ADAMTS18: variants seen among roughly 807,000 people sequenced by gnomAD.
ADAMTS18 encodes the protein ADAM metallopeptidase with thrombospondin type 1 motif 18, also known as A disintegrin and metalloproteinase with thrombospondin motifs 18.
In ADAMTS18, 157 loss-of-function variants were observed where a neutral mutation model predicts 165.9. The ratio of observed to expected loss-of-function variants is 0.95; its 90% CI spans 0.83 to 1.08. ADAMTS18 has a LOEUF of 1.08. Ranked by LOEUF, ADAMTS18 falls within the 50% of genes least tolerant of loss-of-function variation. ADAMTS18 has a pLI of 0.00. For missense variants in ADAMTS18, 2,040 were observed against 1,534.0 expected, an observed-to-expected ratio of 1.33 and a Z score of -5.51; for synonymous variants, 782 against 578.2, an observed-to-expected ratio of 1.35 and a Z score of -5.06.
chr16:77,343,933 A>G (rs998014), intron 10 of ADAMTS18, among the ~76,000 whole-genome samples: 73,229 of 151,536 alleles, frequency 0.48, 18,415 homozygotes, highest in East Asian at 0.88. Flanking sequence ...AATTTTTGTC[A>G]TTACTTGTTG....
intron 12 of ADAMTS18, among the ~76,000 whole-genome samples, chr16:77,333,147 G>T (rs1443656741): frequency 1.3e-5 from 2 of 152,164 alleles, no homozygotes; most frequent in African/African-American, 4.8e-5. Flanking sequence ...GTCCCGTAGA[G>T]AATGACTCCT....
chr16:77,336,783 T>C (rs1363462687), intron 11 of ADAMTS18, among the ~76,000 whole-genome samples: 2 of 152,318 alleles, frequency 1.3e-5, no homozygotes, highest in Non-Finnish European at 2.9e-5. Flanking sequence ...TTTTGTTTTA[T>C]TTTTTGTTTT....
intron 16 of ADAMTS18, among the ~76,000 whole-genome samples, chr16:77,306,201 G>A (rs2144605781): frequency 6.6e-6 from 1 of 152,334 alleles, no homozygotes; most frequent in East Asian, 1.9e-4. Flanking sequence ...CAGCTGGCAA[G>A]CAACCTCCTT....
chr16:77,426,742 T>G (rs2057677895), intron 3 of ADAMTS18, among the ~76,000 whole-genome samples: 1 of 151,746 alleles, frequency 6.6e-6, no homozygotes, highest in South Asian at 2.1e-4. Context: ...AAGGATAGGG[T>G]GGGGTGTGGT....
intron 3 of ADAMTS18, chr16:77,378,801 A>G (rs1183402609): frequency 1.3e-5 from 2 of 152,202 alleles, no homozygotes; most frequent in African/African-American, 2.4e-5. Flanking sequence ...TATTATCATT[A>G]TGATTATTAC....
At position 77,338,823 on chromosome 16, in the gene ADAMTS18, G is replaced by A. The variant is rs8048436; in HGVS notation, c.1710+2881C>T. On this transcript the variant is annotated intron_variant, in intron 11 of 22. Transcript: ENST00000282849. ...GAAAAAATTAGCCGGGCGTGGTGGC[G>A]GGCACCTGTAGTTCCAGCTACTCGG... Among the ~76,000 whole-genome samples, 1,442 of 151,706 alleles carry A rather than the reference G, an allele frequency of 9.5e-3. 19 individuals are homozygous for A. The highest frequency in any genetic ancestry group is 0.032 in the African/African-American group (1,339 of 41,362).
intron 3 of ADAMTS18, among the ~76,000 whole-genome samples, chr16:77,399,129 C>T (rs1285079748): frequency 6.6e-6 from 1 of 152,188 alleles, no homozygotes; most frequent in Non-Finnish European, 1.5e-5. Flanking sequence ...AGACCCACCA[C>T]CAGGTGTGGG....
chr16:77,294,217 G>C (rs972663767), intron 19 of ADAMTS18, among the ~76,000 whole-genome samples: 2 of 152,086 alleles, frequency 1.3e-5, no homozygotes, highest in African/African-American at 4.8e-5. Flanking sequence ...GGAAGCTGTA[G>C]GGAAGGGCTT....
rs1032644582 is a variant in ADAMTS18 at position 77,434,941 on chromosome 16, G to A, written c.-246C>T. On this transcript the variant is annotated 5_prime_UTR_variant, in exon 1 of 23. Coordinates refer to ENST00000282849, the MANE Select transcript of ADAMTS18 (RefSeq NM_199355.4). ...TTGCGGCACCCCAGAGGGTACGGGGGGCTCCCTGGGCCGGGACTGGAGCGC... is the reference window on the plus strand; with the variant it reads ...TTGCGGCACCCCAGAGGGTACGGGGAGCTCCCTGGGCCGGGACTGGAGCGC... 8 of 359,024 alleles carry A rather than the reference G, an allele frequency of 2.2e-5. No individual in the cohort carries two copies. Among genetic ancestry groups the A allele is most frequent in the Non-Finnish European group, 4.0e-5 (8 of 202,442 alleles). 22.2% of individuals were successfully genotyped at this position (359,024 alleles called of 1,614,324 possible). A position where few individuals can be genotyped will look rare whatever the true frequency, so the allele number is the denominator to read the frequency against.
chr16:77,388,958 G>T (rs1422282148), intron 3 of ADAMTS18, among the ~76,000 whole-genome samples: 1 of 152,186 alleles, frequency 6.6e-6, no homozygotes, highest in Non-Finnish European at 1.5e-5. Flanking sequence ...TCAACTAAAT[G>T]AAGAAGTCAT....
rs573641571 is a variant in ADAMTS18, at chr16:77,428,798, C to A, written c.495+2497G>T. Among the ~76,000 whole-genome samples, 11 of 152,196 alleles carry A rather than the reference C, an allele frequency of 7.2e-5. 1 individual carries two copies. The highest frequency in any genetic ancestry group is 5.2e-4 in the Admixed American group (8 of 15,286). ...AACCAGAATATATTCTGCAAATATTCCAAAATCCTCCCCAAATTGAAAATC... is the reference window on the plus strand; with the variant it reads ...AACCAGAATATATTCTGCAAATATTACAAAATCCTCCCCAAATTGAAAATC... On this transcript the variant is annotated intron_variant, in intron 3 of 22. Transcript: ENST00000282849.
chr16:77,367,628 G>C lies in ADAMTS18; in HGVS notation c.591C>G (p.His197Gln). The change falls in exon 4 of 23, where the codon CAC (histidine) becomes CAG (glutamine). Residue 197 changes from histidine (H) to glutamine (Q), a missense_variant. By Grantham distance (24) the His-to-Gln change is conservative (BLOSUM62 0). Coordinates refer to ENST00000282849, the MANE Select transcript of ADAMTS18 (RefSeq NM_199355.4). ...TCCTTTTGTACAGTACGTGAGGATG[G>C]TGACCCGCAGGGGAGCTGTAGTTGT... ...QEHNYSSPAG[H>Q]HPHVLYKRTA... 6.2e-7 allele frequency: 1 copy of C among 1,614,192 alleles called. No individual in the cohort carries two copies. The highest frequency in any genetic ancestry group is 8.5e-7 in the Non-Finnish European group (1 of 1,180,032).
chr16:77,308,042 C>A lies in ADAMTS18; in HGVS notation c.2533-7638G>T, dbSNP rs112843290. On this transcript the variant is annotated intron_variant, in intron 16 of 22. Transcript: ENST00000282849. ...TGCCTTGAAACTAGGCTGTGGTTAA[C>A]CTATTTCTCACTTACTATCATGAGA... Among the ~76,000 whole-genome samples, 282 of 152,204 alleles carry A rather than the reference C, an allele frequency of 1.9e-3. 1 individual carries two copies. The highest frequency in any genetic ancestry group is 6.6e-3 in the African/African-American group (273 of 41,548).
chr16:77,325,373 C>G (rs1567483406), intron 13 of ADAMTS18, among the ~76,000 whole-genome samples: 1 of 152,008 alleles, frequency 6.6e-6, no homozygotes, highest in Non-Finnish European at 1.5e-5. Context: ...ATAGTAAGTA[C>G]CAAGAACCTA....
chr16:77,332,842 G>C (rs114243328), intron 12 of ADAMTS18, among the ~76,000 whole-genome samples: 1,641 of 152,252 alleles, frequency 0.011, 29 homozygotes, highest in African/African-American at 0.037. Flanking sequence ...GACTTTCTGT[G>C]TTTGAAGAAA....
At chr16:77,405,476 G>A (rs1261433760) in intron 3 of ADAMTS18, among the ~76,000 whole-genome samples, 1 of 152,122 alleles carries the variant, frequency 6.6e-6, no homozygotes, top group Non-Finnish European at 1.5e-5. Context: ...TAAACCTTAG[G>A]AAATGATCCC....
At chr16:77,286,317 C>CTACTT (rs575488871) in intron 22 of ADAMTS18, among the ~76,000 whole-genome samples, 20 of 152,120 alleles carry the variant, frequency 1.3e-4, no homozygotes, top group Non-Finnish European at 2.6e-4. Flanking sequence ...TTCACCCCTG[C>CTACTT]TACTTTACTT....
At chr16:77,333,409 G>A (rs76947749) in intron 12 of ADAMTS18, among the ~76,000 whole-genome samples, 1,622 of 150,982 alleles carry the variant, frequency 0.011, 30 homozygotes, top group African/African-American at 0.037. Context: ...CCACCATGGC[G>A]CTATATACCT....
chr16:77,364,292 G>C lies in ADAMTS18; in HGVS notation c.868C>G (p.Gln290Glu), dbSNP rs200685667. ...GRPRRSAGKS[Q>E]KGLNVETLVV... Reference sequence around the variant, plus strand: ...AGGGTTTCCACATTGAGGCCCTTTTGTGATTTTCCAGCTGATCTTCTGGGT... The same window carrying C: ...AGGGTTTCCACATTGAGGCCCTTTTCTGATTTTCCAGCTGATCTTCTGGGT... The change falls in exon 5 of 23, where the codon CAA becomes GAA. Residue 290 changes from glutamine to glutamate, a missense_variant. Physicochemically the swap from Gln to Glu is conservative, Grantham distance 29. Transcript: ENST00000282849. The C allele has an allele frequency of 6.2e-7, 1 of 1,613,888 alleles. No individual in the cohort carries two copies. The highest frequency in any genetic ancestry group is 8.5e-7 in the Non-Finnish European group (1 of 1,180,000).
Sources: allele counts gnomAD v4.1 joint callset (sites outside exome capture counted in the v4.1 genomes callset), GRCh38; gene constraint gnomAD v4.1.1; transcripts MANE v1.5; gene names NCBI Gene and HGNC (gene_info 2026-07-23, HGNC 2026-07-21).